The following ENTREP1 variants were observed in gnomAD, a reference collection of about 807,000 sequenced individuals.
The protein encoded by ENTREP1 is Friedreich ataxia region gene X123.
chr9:69,385,300 A>G, the ENTREP1 span, among the ~76,000 whole-genome samples: 4 of 152,108 alleles, frequency 2.6e-5, no homozygotes, highest in African/African-American at 9.6e-5. Context: ...AAATTATCCA[A>G]TTCCAGCGGG....
At chr9:69,359,852 TC>T in the ENTREP1 span, among the ~76,000 whole-genome samples, 1 of 152,176 alleles carries the variant, frequency 6.6e-6, no homozygotes, top group African/African-American at 2.4e-5. Context: ...TGGCCATAGT[TC>T]CTGATCTATT....
the ENTREP1 span, among the ~76,000 whole-genome samples, chr9:69,333,522 C>T: frequency 4.6e-5 from 7 of 152,070 alleles, no homozygotes; most frequent in Non-Finnish European, 1.0e-4. Context: ...CCAGGCTGGT[C>T]TCAAACTCCT....
At chr9:69,365,196 A>G in the ENTREP1 span, among the ~76,000 whole-genome samples, 2 of 152,210 alleles carry the variant, frequency 1.3e-5, no homozygotes, top group African/African-American at 4.8e-5. Flanking sequence ...CAAAAGGTAG[A>G]ACATTATCAC....
At chr9:69,348,111 T>C in the ENTREP1 span, among the ~76,000 whole-genome samples, 2 of 152,254 alleles carry the variant, frequency 1.3e-5, no homozygotes, top group Non-Finnish European at 2.9e-5. Flanking sequence ...ATCTAGCTGC[T>C]GCTTCTTTCT....
the ENTREP1 span, among the ~76,000 whole-genome samples, chr9:69,353,138 A>G: frequency 6.6e-6 from 1 of 152,174 alleles, no homozygotes; most frequent in Non-Finnish European, 1.5e-5. Context: ...CCCTACCTCT[A>G]AGAAAAATAA....
the ENTREP1 span, chr9:69,329,351 A>G: frequency 1.1e-3 from 1,092 of 963,720 alleles, 35 homozygotes; most frequent in East Asian, 0.057. Flanking sequence ...TATTTGTTGA[A>G]CACAGTATAG....
chr9:69,375,658 G>A, the ENTREP1 span: 1 of 1,154,944 alleles, frequency 8.7e-7, no homozygotes, highest in Non-Finnish European at 1.3e-6. Flanking sequence ...TCATTCTACA[G>A]GATTGGTGCT....
the ENTREP1 span, among the ~76,000 whole-genome samples, chr9:69,362,898 A>G: frequency 2.6e-5 from 4 of 152,244 alleles, no homozygotes; most frequent in South Asian, 8.3e-4. Flanking sequence ...TGGGGCTCAG[A>G]CCGGCTTCCT....
chr9:69,377,769 GT>G, the ENTREP1 span: 2 of 1,596,420 alleles, frequency 1.3e-6, no homozygotes. Context: ...TTCCCCTGCA[GT>G]CTGAGTGGGA....
the ENTREP1 span, among the ~76,000 whole-genome samples, chr9:69,327,334 G>A: frequency 6.6e-6 from 1 of 152,228 alleles, no homozygotes; most frequent in South Asian, 2.1e-4. Flanking sequence ...AATTAGACCC[G>A]TTATGCCACC....
At chr9:69,340,802 T>TGC in the ENTREP1 span, among the ~76,000 whole-genome samples, 14 of 52,128 alleles carry the variant, frequency 2.7e-4, no homozygotes, top group African/African-American at 6.8e-4. Context: ...TGTGTGTGCA[T>TGC]GTGTGTGTGT....
the ENTREP1 span, chr9:69,384,080 G>T: frequency 4.3e-5 from 58 of 1,353,694 alleles, no homozygotes; most frequent in East Asian, 5.8e-4. Flanking sequence ...AAAATAGGCT[G>T]GGCAAGGTGG....
chr9:69,371,648 C>T, the ENTREP1 span: 1 of 1,347,328 alleles, frequency 7.4e-7, no homozygotes, highest in Non-Finnish European at 1.1e-6. Flanking sequence ...TCTAGGCAGA[C>T]CCTGGCTTGT....
the ENTREP1 span, among the ~76,000 whole-genome samples, chr9:69,337,331 A>T: frequency 6.6e-6 from 1 of 152,098 alleles, no homozygotes; most frequent in East Asian, 1.9e-4. Context: ...TTTGAAGCAG[A>T]TCTCATGTAT....
chr9:69,328,314 A>G, the ENTREP1 span, among the ~76,000 whole-genome samples: 3 of 152,204 alleles, frequency 2.0e-5, no homozygotes, highest in African/African-American at 7.2e-5. Context: ...ATATATTCCA[A>G]TGTGTGTATT....
At chr9:69,378,233 G>T in the ENTREP1 span, among the ~76,000 whole-genome samples, 6 of 152,136 alleles carry the variant, frequency 3.9e-5, no homozygotes, top group Middle Eastern at 3.2e-3. Context: ...ATGTTTCATT[G>T]TAATACCATC....
the ENTREP1 span, chr9:69,392,401 G>A: frequency 1.3e-5 from 2 of 153,902 alleles, no homozygotes; most frequent in Non-Finnish European, 2.9e-5. Context: ...ACTCATGCTT[G>A]CAAAACTAGA....
the ENTREP1 span, chr9:69,388,242 G>A: frequency 6.2e-7 from 1 of 1,614,216 alleles, no homozygotes; most frequent in Non-Finnish European, 8.5e-7. Flanking sequence ...AGAGGCTTGA[G>A]ATCTAGAGCT....
the ENTREP1 span, among the ~76,000 whole-genome samples, chr9:69,367,862 CAT>C: frequency 1.3e-4 from 10 of 76,250 alleles, no homozygotes; most frequent in East Asian, 3.6e-4. Flanking sequence ...TATATACACA[CAT>C]ATATATAAAT....
Sources: allele counts gnomAD v4.1 joint callset (sites outside exome capture counted in the v4.1 genomes callset), GRCh38; gene constraint gnomAD v4.1.1; transcripts MANE v1.5; gene names NCBI Gene and HGNC (gene_info 2026-07-23, HGNC 2026-07-21).